GRM8: variants seen among roughly 807,000 people sequenced by gnomAD.
The protein encoded by GRM8 is metabotropic glutamate receptor 8.
A neutral mutation model predicts 87.2 loss-of-function variants in GRM8; 47 were observed. The observed-to-expected ratio is 0.54, with a 90% CI of 0.43 to 0.69. The LOEUF is 0.69. GRM8 is among the 30% of genes least tolerant of loss of function. The pLI, the probability that GRM8 is intolerant of heterozygous loss-of-function variation, is 0.00. For missense variants in GRM8, 1,019 were observed against 1,139.2 expected (o/e 0.89, Z 1.52); for synonymous variants, 396 against 404.5 (o/e 0.98, Z 0.25).
At chr7:127,200,630 G>T (rs1347409411) in intron 2 of GRM8, among the ~76,000 whole-genome samples, 1 of 152,110 alleles carries the variant, frequency 6.6e-6, no homozygotes, top group African/African-American at 2.4e-5. Flanking sequence ...ACCCTTCCTT[G>T]CCTCCTCCAG....
At chr7:126,649,567 T>C (rs1218541268) in intron 7 of GRM8, among the ~76,000 whole-genome samples, 1 of 152,146 alleles carries the variant, frequency 6.6e-6, no homozygotes, top group South Asian at 2.1e-4. Context: ...ATTAGTTCTG[T>C]CCCTCCAGAG....
intron 9 of GRM8, among the ~76,000 whole-genome samples, chr7:126,524,718 T>C (rs1330147475): frequency 1.3e-5 from 2 of 152,180 alleles, no homozygotes; most frequent in African/African-American, 4.8e-5. Flanking sequence ...TCTTTCTGGT[T>C]CTGACTTTTA....
intron 6 of GRM8, among the ~76,000 whole-genome samples, chr7:126,774,296 T>C (rs1819177383): frequency 6.6e-6 from 1 of 152,178 alleles, no homozygotes; most frequent in African/African-American, 2.4e-5. Flanking sequence ...GATTCTCTCA[T>C]TCATCTAAAA....
chr7:127,241,905 G>A (rs1420987402), intron 2 of GRM8, among the ~76,000 whole-genome samples: 1 of 152,124 alleles, frequency 6.6e-6, no homozygotes, highest in Non-Finnish European at 1.5e-5. Flanking sequence ...GAAAGTTAAT[G>A]AAAATGGTGA....
intron 2 of GRM8, among the ~76,000 whole-genome samples, chr7:127,180,753 T>A (rs1328425715): frequency 6.6e-6 from 1 of 152,126 alleles, no homozygotes; most frequent in Non-Finnish European, 1.5e-5. Context: ...CACATGTTCA[T>A]CTCAATAGAT....
At chr7:126,518,964 G>A (rs867308802) in intron 9 of GRM8, among the ~76,000 whole-genome samples, 1 of 151,976 alleles carries the variant, frequency 6.6e-6, no homozygotes, top group African/African-American at 2.4e-5. Context: ...TTGTCTACCA[G>A]GCCAATCATT....
intron 9 of GRM8, among the ~76,000 whole-genome samples, chr7:126,471,597 T>C (rs1203549944): frequency 4.6e-5 from 7 of 151,878 alleles, no homozygotes; most frequent in Admixed American, 4.6e-4. Flanking sequence ...ACTGTAGCCT[T>C]GTAGTATAGT....
At chr7:126,971,848 T>C (rs1339752878) in intron 3 of GRM8, among the ~76,000 whole-genome samples, 1 of 152,054 alleles carries the variant, frequency 6.6e-6, no homozygotes, top group Non-Finnish European at 1.5e-5. Context: ...CAGGAGGAAA[T>C]AGCTTTTGGG....
intron 3 of GRM8, among the ~76,000 whole-genome samples, chr7:127,104,950 G>A (rs1825674233): frequency 2.0e-5 from 3 of 152,118 alleles, no homozygotes; most frequent in South Asian, 2.1e-4. Flanking sequence ...ATTTTTTATA[G>A]TAATCTATCT....
intron 2 of GRM8, among the ~76,000 whole-genome samples, chr7:127,135,965 T>C (rs569053395): frequency 2.6e-5 from 4 of 152,266 alleles, no homozygotes; most frequent in East Asian, 3.9e-4. Flanking sequence ...TCAAATTCAA[T>C]TGAAAGACTG....
chr7:126,824,151 C>CTGT (rs1346936121), intron 6 of GRM8, among the ~76,000 whole-genome samples: 1 of 152,022 alleles, frequency 6.6e-6, no homozygotes, highest in Non-Finnish European at 1.5e-5. Context: ...ATGGTCATCA[C>CTGT]TGTTATTATT....
chr7:127,247,906 AG>A (rs1173734386), intron 1 of GRM8, among the ~76,000 whole-genome samples: 2 of 152,204 alleles, frequency 1.3e-5, no homozygotes, highest in African/African-American at 4.8e-5. Context: ...CATCAGTGAG[AG>A]GATTGTGAAA....
At chr7:127,050,632 G>A (rs17866240) in intron 3 of GRM8, among the ~76,000 whole-genome samples, 1,680 of 152,310 alleles carry the variant, frequency 0.011, 27 homozygotes, top group African/African-American at 0.037. Context: ...CATGCAATGG[G>A]AGGCACAGGA....
chr7:126,825,206 A>C (rs945563120), intron 6 of GRM8, among the ~76,000 whole-genome samples: 1 of 152,054 alleles, frequency 6.6e-6, no homozygotes, highest in African/African-American at 2.4e-5. Context: ...AGCTGGGACT[A>C]AAAATGCACA....
At chr7:126,595,420 TTTATTTTA>T (rs1187397135) in intron 8 of GRM8, among the ~76,000 whole-genome samples, 3 of 58,598 alleles carry the variant, frequency 5.1e-5, no homozygotes, top group East Asian at 1.6e-3. Flanking sequence ...TTTATTTTAT[TTTATTTTA>T]TTATTTTATT....
chr7:126,493,850 A>G (rs1351635089), intron 9 of GRM8, among the ~76,000 whole-genome samples: 1 of 151,982 alleles, frequency 6.6e-6, no homozygotes, highest in African/African-American at 2.4e-5. Context: ...AATTTATCTG[A>G]TCAGTAAGAT....
intron 3 of GRM8, among the ~76,000 whole-genome samples, chr7:126,928,442 T>G (rs1375124761): frequency 2.0e-5 from 3 of 151,870 alleles, no homozygotes; most frequent in African/African-American, 7.3e-5. Context: ...GAGGCCAAGA[T>G]GGGTGGATGG....
intron 3 of GRM8, among the ~76,000 whole-genome samples, chr7:126,924,235 G>A (rs373609059): frequency 1.1e-4 from 17 of 152,314 alleles, no homozygotes; most frequent in Non-Finnish European, 2.4e-4. Context: ...TGGGATGCAA[G>A]TGATGAAAGA....
rs555693397 is a variant in GRM8, at chr7:126,964,024, C to A, written c.728-59341G>T. 3.3e-5 allele frequency among the ~76,000 whole-genome samples: 5 copies of A among 152,232 alleles called. No homozygotes were observed. The East Asian group carries it at 9.6e-4, about 29-fold the overall frequency. On this transcript the variant is annotated intron_variant, in intron 3 of 10. Coordinates refer to ENST00000339582, the MANE Select transcript of GRM8 (RefSeq NM_000845.3). ...AGAAATAACACCAAACATCTACGAC[C>A]ATCAGGTCTTTGACAAACGTGACAA...
Sources: allele counts gnomAD v4.1 joint callset (sites outside exome capture counted in the v4.1 genomes callset), GRCh38; gene constraint gnomAD v4.1.1; transcripts MANE v1.5; gene names NCBI Gene and HGNC (gene_info 2026-07-23, HGNC 2026-07-21).